SFRP1: variants seen among roughly 807,000 people sequenced by gnomAD.
SFRP1 encodes secreted frizzled-related protein 1.
Under a neutral mutation model 25.9 loss-of-function variants are expected in SFRP1, and 9 were observed. The ratio of observed to expected loss-of-function variants is 0.35; its 90% CI spans 0.21 to 0.61. The LOEUF is 0.61. SFRP1 is among the 20% of genes least tolerant of loss of function. The pLI, the probability that SFRP1 is intolerant of heterozygous loss-of-function variation, is 0.78. For missense variants in SFRP1, 346 were observed against 418.2 expected (o/e 0.83, Z 1.51); for synonymous variants, 178 against 174.0 (o/e 1.02, Z -0.18).
At chr8:41,269,062 C>A (rs1280204290) in intron 2 of SFRP1, among the ~76,000 whole-genome samples, 5 of 152,176 alleles carry the variant, frequency 3.3e-5, no homozygotes, top group Admixed American at 3.3e-4. Context: ...ATCTGAGGAG[C>A]CCCTGCTGGG....
chr8:41,279,088 C>G (rs567344668), intron 2 of SFRP1, among the ~76,000 whole-genome samples: 2 of 152,126 alleles, frequency 1.3e-5, no homozygotes, highest in Non-Finnish European at 2.9e-5. Context: ...CACGAGTGTT[C>G]CTACCTCTCC....
intron 2 of SFRP1, among the ~76,000 whole-genome samples, chr8:41,287,304 G>T (rs1440383696): frequency 1.3e-5 from 2 of 152,256 alleles, no homozygotes; most frequent in Admixed American, 1.3e-4. Flanking sequence ...GGAATGACAG[G>T]CGTGCCAGCT....
At chr8:41,272,387 T>A (rs1163711134) in intron 2 of SFRP1, among the ~76,000 whole-genome samples, 4 of 152,190 alleles carry the variant, frequency 2.6e-5, no homozygotes, top group Non-Finnish European at 4.4e-5. Flanking sequence ...GGTGGATCAC[T>A]TGGGGCCAAG....
rs529989118 is a variant in SFRP1, at chr8:41,262,162, A to C, written c.*3005T>G. On this transcript the variant is annotated 3_prime_UTR_variant, in exon 3 of 3. Transcript: ENST00000220772. ...TATTCAAAGCTTTTGTAAGAGACTT[A>C]GGATCTAAAAGAGGAGTACTACAGG... The C allele has an allele frequency of 6.6e-6, 1 of 152,636 alleles. No individual in the cohort carries two copies. Among genetic ancestry groups the C allele is most frequent in the African/African-American group, 2.4e-5 (1 of 41,586 alleles). The allele number at this position is 152,636 out of a possible 1,614,324, so 9.5% of individuals were successfully genotyped here.
intron 2 of SFRP1, among the ~76,000 whole-genome samples, chr8:41,288,397 G>A (rs975882268): frequency 2.0e-5 from 3 of 151,552 alleles, no homozygotes; most frequent in Non-Finnish European, 4.4e-5. Context: ...AATTAGCTAG[G>A]TGTGATGCTA....
intron 1 of SFRP1, among the ~76,000 whole-genome samples, chr8:41,305,460 G>A (rs2117522098): frequency 6.6e-6 from 1 of 152,282 alleles, no homozygotes; most frequent in East Asian, 1.9e-4. Context: ...TTTTACCACG[G>A]CTTTCCCCTA....
intron 2 of SFRP1, among the ~76,000 whole-genome samples, chr8:41,291,493 A>G (rs1803779082): frequency 6.6e-6 from 1 of 152,144 alleles, no homozygotes; most frequent in African/African-American, 2.4e-5. Context: ...TGCCTGACAA[A>G]TGCCTACCAG....
At chr8:41,288,777 T>C (rs1803740415) in intron 2 of SFRP1, among the ~76,000 whole-genome samples, 1 of 152,180 alleles carries the variant, frequency 6.6e-6, no homozygotes, top group Non-Finnish European at 1.5e-5. Context: ...GCTTCCAAAC[T>C]GCTTCCCCAT....
chr8:41,300,637 G>A (rs575490793), intron 2 of SFRP1, among the ~76,000 whole-genome samples: 2 of 152,292 alleles, frequency 1.3e-5, no homozygotes, highest in African/African-American at 4.8e-5. Flanking sequence ...CAACCCAAAG[G>A]GAAGACGGCT....
chr8:41,304,261 T>C (rs909204099), intron 1 of SFRP1, among the ~76,000 whole-genome samples: 1 of 152,120 alleles, frequency 6.6e-6, no homozygotes, highest in African/African-American at 2.4e-5. Context: ...CTCCACTGCC[T>C]GGGAGGAGAT....
chr8:41,279,039 C>T (rs1803603526), intron 2 of SFRP1, among the ~76,000 whole-genome samples: 1 of 152,010 alleles, frequency 6.6e-6, no homozygotes, highest in African/African-American at 2.4e-5. Flanking sequence ...CTCTCCTTGC[C>T]TCAACATTGA....
intron 2 of SFRP1, among the ~76,000 whole-genome samples, chr8:41,276,078 T>C (rs1803568867): frequency 6.6e-6 from 1 of 152,162 alleles, no homozygotes; most frequent in Non-Finnish European, 1.5e-5. Flanking sequence ...CCCAGCTTGG[T>C]TGATCAGGAA....
At position 41,269,673 on chromosome 8, in the gene SFRP1, C is replaced by T. The variant is rs530479810; in HGVS notation, c.623-4184G>A. Among the ~76,000 whole-genome samples, 5 of 152,254 alleles carry T rather than the reference C, an allele frequency of 3.3e-5. No homozygotes were observed. The South Asian group carries it at 1.0e-3, about 32-fold the overall frequency. On this transcript the variant is annotated intron_variant, in intron 2 of 2. Transcript: ENST00000220772. ...GTGGTGCCTCCAACCCTCCCAAGCC[C>T]GAGACATCCTACCCATGACTTTGAA...
intron 1 of SFRP1, among the ~76,000 whole-genome samples, chr8:41,307,513 C>G (rs956865992): frequency 6.6e-6 from 1 of 152,156 alleles, no homozygotes; most frequent in Non-Finnish European, 1.5e-5. Context: ...CTTTCTCCCC[C>G]ACCCTAAAGG....
At chr8:41,296,802 T>C (rs1438989506) in intron 2 of SFRP1, among the ~76,000 whole-genome samples, 1 of 152,096 alleles carries the variant, frequency 6.6e-6, no homozygotes, top group African/African-American at 2.4e-5. Context: ...AGAGTGTTTC[T>C]AAAAAACACA....
chr8:41,303,385 G>T, intron 2 of SFRP1, 76 bp downstream of exon 2: 2 of 1,048,622 alleles, frequency 1.9e-6, no homozygotes, highest in South Asian at 1.3e-5. Flanking sequence ...AGATACATCA[G>T]CAGGGCCTCC....
At position 41,264,025 on chromosome 8, in the gene SFRP1, G is replaced by A. The variant is rs1344735584; in HGVS notation, c.*1142C>T. 2 of 152,226 alleles carry A rather than the reference G, an allele frequency of 1.3e-5. No individual in the cohort carries two copies. The highest frequency in any genetic ancestry group is 2.9e-5 in the Non-Finnish European group (2 of 68,038). 9.4% of individuals were successfully genotyped at this position (152,226 alleles called of 1,614,324 possible). On this transcript the variant is annotated 3_prime_UTR_variant, in exon 3 of 3. Transcript: ENST00000220772. ...TCTAGGGCAACCACGGACTCTTCAG[G>A]AAGGAAAGCCACACAGCTACACTAC...
intron 2 of SFRP1, among the ~76,000 whole-genome samples, chr8:41,291,285 G>A (rs1015767552): frequency 1.3e-5 from 2 of 151,962 alleles, no homozygotes; most frequent in Non-Finnish European, 2.9e-5. Flanking sequence ...TTACCAACAA[G>A]GCCAAATCTC....
chr8:41,303,958 C>T (rs1803960863), intron 1 of SFRP1, among the ~76,000 whole-genome samples: 1 of 152,148 alleles, frequency 6.6e-6, no homozygotes, highest in Non-Finnish European at 1.5e-5. Flanking sequence ...CCCATTTCCA[C>T]ACTCCCAGCT....
Sources: gnomAD v4.1 joint callset for allele counts (sites outside exome capture counted in the v4.1 genomes callset) on GRCh38, gnomAD v4.1.1 for gene constraint, MANE v1.5 for transcripts, NCBI Gene and HGNC (gene_info 2026-07-23, HGNC 2026-07-21) for gene names.